The following CASP8 variants were observed in gnomAD, a reference collection of about 807,000 sequenced individuals.
CASP8 encodes the protein caspase 8, also known as caspase-8.
Under a neutral mutation model 46.3 loss-of-function variants are expected in CASP8, and 24 were observed. The ratio of observed to expected loss-of-function variants is 0.52; its 90% confidence interval spans 0.38 to 0.73. CASP8 has a LOEUF of 0.73. Ranked by LOEUF, CASP8 falls within the 30% of genes least tolerant of loss-of-function variation. The probability of loss-of-function intolerance (pLI) is 0.00; values close to 1 mark genes in which losing one functional copy is unlikely to be tolerated. For missense variants in CASP8, 460 were observed against 559.0 expected (o/e 0.82, Z 1.79); for synonymous variants, 188 against 200.4 (o/e 0.94, Z 0.52).
rs558306593 is a variant in CASP8, at chr2:201,270,251, A to G, written c.306-1265A>G. 5.9e-5 allele frequency among the ~76,000 whole-genome samples: 9 copies of G among 152,232 alleles called. 2 individuals carry two copies. The South Asian group carries it at 1.2e-3, about 21-fold the overall frequency. On this transcript the variant is annotated intron_variant, in intron 2 of 8. Transcript: ENST00000673742. ...CATAGATTAGGAAATAGTAACACCT[A>G]TCACTCATTGAGCACTTAGTGTGTT...
chr2:201,258,209 T>C (rs768874099), upstream of CASP8: 2 of 1,606,770 alleles, frequency 1.2e-6, no homozygotes, highest in Admixed American at 3.4e-5. Flanking sequence ...AATTTGCTAG[T>C]CAACTCAACA....
chr2:201,238,762 T>G (rs1035776591), intron 2 of CASP8, among the ~76,000 whole-genome samples: 2 of 136,440 alleles, frequency 1.5e-5, no homozygotes, highest in Non-Finnish European at 2.9e-5. Context: ...CTTTTTATTT[T>G]ATTTATTTAT....
intron 2 of CASP8, among the ~76,000 whole-genome samples, chr2:201,247,218 A>C (rs983218367): frequency 6.7e-6 from 1 of 149,276 alleles, no homozygotes; most frequent in African/African-American, 2.5e-5. Context: ...AAAAAAAAGA[A>C]GAATTTTAGG....
At chr2:201,247,880 G>A (rs150060564) in intron 2 of CASP8, among the ~76,000 whole-genome samples, 1,618 of 152,246 alleles carry the variant, frequency 0.011, 34 homozygotes, top group African/African-American at 0.037. Flanking sequence ...TCCTGACCTC[G>A]TGATCCGCCC....
chr2:201,258,309 C>G (rs748514005), upstream of CASP8: 7 of 1,614,100 alleles, frequency 4.3e-6, no homozygotes, highest in East Asian at 1.6e-4. Context: ...CCACCCCCTT[C>G]CCTGCTGAGC....
chr2:201,286,835 G>A lies in CASP8; in HGVS notation c.*241G>A. On this transcript the variant is annotated 3_prime_UTR_variant, in exon 9 of 9. Coordinates refer to ENST00000673742, the MANE Select transcript of CASP8 (RefSeq NM_001372051.1). ...AGGGTTTCACTGTGTTAGCCAGGGT[G>A]GTCTTGATCTCCTGACCTCGTGATC... 1 of 415,056 alleles carries A rather than the reference G, an allele frequency of 2.4e-6. No homozygotes were observed. Among genetic ancestry groups the A allele is most frequent in the Non-Finnish European group, 4.5e-6 (1 of 219,966 alleles). The allele number at this position is 415,056 out of a possible 1,614,324, so 25.7% of individuals were successfully genotyped here.
chr2:201,274,197 T>C (rs991914874), intron 5 of CASP8, among the ~76,000 whole-genome samples: 8 of 152,212 alleles, frequency 5.3e-5, no homozygotes, highest in Non-Finnish European at 1.2e-4. Context: ...CTCTGCCTGC[T>C]GAGCCTAAGG....
At chr2:201,278,020 GTTTA>G (rs1309364973) in intron 7 of CASP8, 3 of 166,200 alleles carry the variant, frequency 1.8e-5, no homozygotes, top group Non-Finnish European at 2.6e-5. Flanking sequence ...CATTTGATTT[GTTTA>G]TTTAAGCAAA....
chr2:201,258,166 T>G, upstream of CASP8: 6 of 1,558,746 alleles, frequency 3.8e-6, no homozygotes, highest in Non-Finnish European at 4.4e-6. Flanking sequence ...TTCTCCTCCT[T>G]TTATCTTTTG....
intron 2 of CASP8, among the ~76,000 whole-genome samples, chr2:201,247,188 C>T (rs1946563016): frequency 3.2e-5 from 2 of 62,288 alleles, no homozygotes; most frequent in African/African-American, 8.2e-5. Context: ...GACTGTCTGT[C>T]TCAAAAAAAA....
At chr2:201,238,635 G>A (rs1266809540) in intron 2 of CASP8, among the ~76,000 whole-genome samples, 2 of 152,026 alleles carry the variant, frequency 1.3e-5, no homozygotes, top group African/African-American at 2.4e-5. Flanking sequence ...TAGAGACGGG[G>A]TTTCATCATG....
At chr2:201,280,795 A>G (rs544576154) in intron 7 of CASP8, among the ~76,000 whole-genome samples, 5 of 152,222 alleles carry the variant, frequency 3.3e-5, no homozygotes, top group Admixed American at 6.5e-5. Flanking sequence ...CTCTGGATGG[A>G]AAGTTTTCCA....
At chr2:201,275,500 C>A (rs762604146) in intron 6 of CASP8, among the ~76,000 whole-genome samples, 1 of 152,194 alleles carries the variant, frequency 6.6e-6, no homozygotes, top group Non-Finnish European at 1.5e-5. Context: ...ACTTATTAGA[C>A]GATCTGCTCC....
At chr2:201,258,186 T>G (rs1207061101), upstream of CASP8, 1 of 1,603,700 alleles carries the variant, frequency 6.2e-7, no homozygotes, top group Non-Finnish European at 8.5e-7. Context: ...GTGTTTTTTT[T>G]CAAGCCCTGC....
chr2:201,243,684 C>T (rs775044474), intron 2 of CASP8, among the ~76,000 whole-genome samples: 12 of 152,130 alleles, frequency 7.9e-5, no homozygotes, highest in East Asian at 3.8e-4. Flanking sequence ...AACTCAGGAA[C>T]GTGTAATATC....
upstream of CASP8, among the ~76,000 whole-genome samples, chr2:201,259,817 T>C (rs1376968685): frequency 1.3e-5 from 2 of 152,020 alleles, no homozygotes; most frequent in Non-Finnish European, 1.5e-5. Flanking sequence ...GCTACACTCA[T>C]ATACAAGGAT....
chr2:201,253,423 G>A (rs1237469188), intron 2 of CASP8, among the ~76,000 whole-genome samples: 3 of 143,892 alleles, frequency 2.1e-5, no homozygotes, highest in African/African-American at 7.7e-5. Flanking sequence ...ACGTCTTCCT[G>A]TCTGTAAGAC....
chr2:201,281,910 C>G (rs1400062081), intron 7 of CASP8: 5 of 1,396,648 alleles, frequency 3.6e-6, no homozygotes, highest in Non-Finnish European at 4.8e-6. Context: ...GAGGGTTTTG[C>G]TCTTGAATTT....
In CASP8 at chr2:201,272,709, A is replaced by G. The variant is rs758624642; in HGVS notation, c.483A>G (p.Lys161=). ...GAGAAGGAAAGTTGGACATCCTGAA[A>G]AGAGTCTGTGCCCAAATCAACAAGA... ...ILGEGKLDIL[K]RVCAQINKSL... The change falls in exon 4 of 9, where the codon AAA becomes AAG. Residue 161 remains lysine, a synonymous_variant. Coordinates refer to ENST00000673742, the MANE Select transcript of CASP8 (RefSeq NM_001372051.1). The surrounding 1 kb of genome is among the most constrained non-coding windows in gnomAD (Gnocchi z 4.4). The G allele has an allele frequency of 3.1e-6, 5 of 1,614,044 alleles. No individual in the cohort carries two copies. The highest frequency in any genetic ancestry group is 4.2e-6 in the Non-Finnish European group (5 of 1,180,008).
Sources: gnomAD v4.1 joint callset for allele counts (sites outside exome capture counted in the v4.1 genomes callset) on GRCh38, gnomAD v4.1.1 for gene constraint, Gnocchi (gnomAD v3.1) non-coding constraint, MANE v1.5 for transcripts, NCBI Gene and HGNC (gene_info 2026-07-23, HGNC 2026-07-21) for gene names.